The following L3MBTL4 variants were observed in gnomAD, a reference collection of about 807,000 sequenced individuals.
L3MBTL4 encodes the protein lethal(3)malignant brain tumor-like protein 4.
L3MBTL4 carries 70 observed loss-of-function variants against 84.5 expected under a neutral mutation model. The ratio of observed to expected loss-of-function variants is 0.83; its 90% CI spans 0.68 to 1.01. L3MBTL4 has a LOEUF of 1.01. Among genes scored for constraint, L3MBTL4 ranks in the 50% least tolerant of loss-of-function variants. The pLI is 0.00. For synonymous variants in L3MBTL4, 274 were observed against 259.8 expected, an observed-to-expected ratio of 1.05 and a Z score of -0.52; for missense variants, 715 against 754.8, an observed-to-expected ratio of 0.95 and a Z score of 0.62.
chr18:6,317,937 G>T (rs946939278), intron 1 of L3MBTL4, among the ~76,000 whole-genome samples: 1 of 152,096 alleles, frequency 6.6e-6, no homozygotes, highest in Non-Finnish European at 1.5e-5. Context: ...AGAAGGAATT[G>T]GGATTTTATT....
intron 12 of L3MBTL4, among the ~76,000 whole-genome samples, chr18:6,206,721 AG>A (rs1474545647): frequency 6.6e-6 from 1 of 152,168 alleles, no homozygotes; most frequent in African/African-American, 2.4e-5. Flanking sequence ...AAATAAAAAG[AG>A]GGTTATCAAC....
intron 16 of L3MBTL4, among the ~76,000 whole-genome samples, chr18:6,018,928 G>T (rs1338028037): frequency 6.6e-6 from 1 of 152,166 alleles, no homozygotes; most frequent in Non-Finnish European, 1.5e-5. Context: ...AAATCAACTT[G>T]TTGGCATCCT....
chr18:6,341,284 A>G (rs1255613645), intron 1 of L3MBTL4, among the ~76,000 whole-genome samples: 1 of 152,194 alleles, frequency 6.6e-6, no homozygotes, highest in Non-Finnish European at 1.5e-5. Flanking sequence ...CTTAAAAAAA[A>G]TGGATACCTA....
At chr18:6,146,393 C>CAGA (rs1462613673) in intron 13 of L3MBTL4, among the ~76,000 whole-genome samples, 1 of 152,106 alleles carries the variant, frequency 6.6e-6, no homozygotes, top group Non-Finnish European at 1.5e-5. Context: ...ATGTAGAGAG[C>CAGA]AGAAAGAAAG....
chr18:6,031,731 G>A (rs1598488523), intron 16 of L3MBTL4: 1 of 985,300 alleles, frequency 1.0e-6, no homozygotes, highest in Non-Finnish European at 1.2e-6. Context: ...AAGAGATGAA[G>A]GGCAAATGGA....
chr18:6,309,013 A>G (rs181891808), intron 3 of L3MBTL4, among the ~76,000 whole-genome samples: 3 of 152,372 alleles, frequency 2.0e-5, no homozygotes, highest in Admixed American at 2.0e-4. Flanking sequence ...TAATATTATC[A>G]TCTAAAATTA....
intron 1 of L3MBTL4, among the ~76,000 whole-genome samples, chr18:6,399,429 C>T (rs1053163671): frequency 1.3e-5 from 2 of 151,342 alleles, no homozygotes; most frequent in African/African-American, 2.4e-5. Flanking sequence ...GAGCAAGACT[C>T]CATCACAAAA....
At chr18:6,111,899 A>T (rs1165557816) in intron 14 of L3MBTL4, among the ~76,000 whole-genome samples, 1 of 152,188 alleles carries the variant, frequency 6.6e-6, no homozygotes, top group Non-Finnish European at 1.5e-5. Flanking sequence ...ACACATTGTT[A>T]TTAACTAGAG....
chr18:6,212,987 G>C (rs1568323491), intron 12 of L3MBTL4, among the ~76,000 whole-genome samples, 162 bp downstream of exon 12: 1 of 152,154 alleles, frequency 6.6e-6, no homozygotes, highest in Non-Finnish European at 1.5e-5. Flanking sequence ...ATCTTGGCCA[G>C]GGTCAATCTT....
In L3MBTL4 at chr18:6,258,335, A is replaced by G. The variant is rs111959149; in HGVS notation, c.219+5612T>C. Among the ~76,000 whole-genome samples the G allele has an allele frequency of 1.8e-3, 276 of 152,358 alleles. 1 individual carries two copies. The highest frequency in any genetic ancestry group is 6.1e-3 in the African/African-American group (255 of 41,586). On this transcript the variant is annotated intron_variant, in intron 5 of 18. Transcript: ENST00000317931. ...GGGCCACAGCTATCTGCAAGGCCTC[A>G]TGGTTCCTACTCAGCAGTGCTTGGC...
At chr18:6,178,916 C>T (rs1469765645) in intron 12 of L3MBTL4, among the ~76,000 whole-genome samples, 2 of 152,186 alleles carry the variant, frequency 1.3e-5, no homozygotes, top group Non-Finnish European at 2.9e-5. Context: ...TACCCCAACG[C>T]CTCAGTCATG....
At chr18:6,356,242 G>A (rs193097687) in intron 1 of L3MBTL4, among the ~76,000 whole-genome samples, 52 of 152,356 alleles carry the variant, frequency 3.4e-4, no homozygotes, top group African/African-American at 1.1e-3. Flanking sequence ...GCCTTGGAGA[G>A]AGAGAGAGGA....
chr18:5,987,652 G>A (rs1048393350), intron 16 of L3MBTL4, among the ~76,000 whole-genome samples: 2 of 151,864 alleles, frequency 1.3e-5, no homozygotes, highest in African/African-American at 4.8e-5. Flanking sequence ...TGTCTCCCTC[G>A]CTCAGATTGC....
chr18:6,144,814 T>C (rs1415959781), intron 13 of L3MBTL4, among the ~76,000 whole-genome samples: 1 of 152,116 alleles, frequency 6.6e-6, no homozygotes, highest in Non-Finnish European at 1.5e-5. Context: ...ATTTCCCCCA[T>C]CTTTGGACTC....
At chr18:6,318,943 C>T (rs903971186) in intron 1 of L3MBTL4, among the ~76,000 whole-genome samples, 6 of 152,008 alleles carry the variant, frequency 3.9e-5, no homozygotes, top group Non-Finnish European at 5.9e-5. Context: ...TCCAAGACCA[C>T]AGTAGAATAA....
chr18:6,247,368 C>T (rs548658878), intron 5 of L3MBTL4, among the ~76,000 whole-genome samples: 1 of 151,798 alleles, frequency 6.6e-6, no homozygotes, highest in African/African-American at 2.4e-5. Flanking sequence ...GTTGACGAGC[C>T]TCTTCAGTCT....
intron 16 of L3MBTL4, among the ~76,000 whole-genome samples, chr18:5,999,453 G>A (rs553873663): frequency 1.6e-4 from 24 of 152,260 alleles, no homozygotes; most frequent in South Asian, 4.1e-4. Context: ...TTCTGAGCAC[G>A]CCCTACCTTC....
rs143321250 is a variant in L3MBTL4 at position 6,386,418 on chromosome 18, C to T, written c.-91+28383G>A. On this transcript the variant is annotated intron_variant, in intron 1 of 18. Coordinates refer to ENST00000317931, the MANE Select transcript of L3MBTL4 (RefSeq NM_001330559.2). ...AGCAAGATTCTTTTCATGCATTCGCCAACTATTTTACTGAGCACTTACTAC... is the reference window on the plus strand; with the variant it reads ...AGCAAGATTCTTTTCATGCATTCGCTAACTATTTTACTGAGCACTTACTAC... Among the ~76,000 whole-genome samples, 350 of 151,950 alleles carry T rather than the reference C, an allele frequency of 2.3e-3. 6 individuals carry two copies. The highest frequency in any genetic ancestry group is 8.0e-3 in the African/African-American group (329 of 41,226).
intron 12 of L3MBTL4, among the ~76,000 whole-genome samples, chr18:6,200,511 T>C (rs890196444): frequency 6.6e-6 from 1 of 152,240 alleles, no homozygotes; most frequent in Non-Finnish European, 1.5e-5. Context: ...GGAAAATCAC[T>C]AGCAAACATT....
Sources: allele counts gnomAD v4.1 joint callset (sites outside exome capture counted in the v4.1 genomes callset), GRCh38; gene constraint gnomAD v4.1.1; transcripts MANE v1.5; gene names NCBI Gene and HGNC (gene_info 2026-07-23, HGNC 2026-07-21).